The following PIP5K1A variants were observed in gnomAD, a reference collection of about 807,000 sequenced individuals.
The protein encoded by PIP5K1A is phosphatidylinositol-4-phosphate 5-kinase type 1 alpha.
In PIP5K1A, 46 loss-of-function variants were observed where a neutral mutation model predicts 72.9. The ratio of observed to expected loss-of-function variants is 0.63; its 90% CI spans 0.50 to 0.81. The LOEUF (loss-of-function observed/expected upper bound fraction) is 0.81, where lower values mean the gene tolerates loss of function less well. PIP5K1A is among the 30% of genes least tolerant of loss of function. PIP5K1A has a pLI of 0.00. For synonymous variants in PIP5K1A, 228 were observed against 255.1 expected (o/e 0.89, Z 1.01); for missense variants, 458 against 706.1 (o/e 0.65, Z 3.98).
At chr1:151,209,508 C>T (rs1686483287) in intron 1 of PIP5K1A, among the ~76,000 whole-genome samples, 1 of 148,394 alleles carries the variant, frequency 6.7e-6, no homozygotes, top group South Asian at 2.1e-4. Flanking sequence ...GGCATGATCT[C>T]TGCTCACCGC....
At chr1:151,241,742 G>C (rs1406225372) in intron 12 of PIP5K1A, among the ~76,000 whole-genome samples, 1 of 151,268 alleles carries the variant, frequency 6.6e-6, no homozygotes, top group Non-Finnish European at 1.5e-5. Flanking sequence ...GGAGGTTGCA[G>C]TGAGCCAAGA....
chr1:151,208,400 G>A (rs1217704940), intron 1 of PIP5K1A, among the ~76,000 whole-genome samples: 7 of 138,068 alleles, frequency 5.1e-5, no homozygotes, highest in South Asian at 2.2e-4. Context: ...TCACTCTGTC[G>A]CCTAGGCTGG....
intron 1 of PIP5K1A, among the ~76,000 whole-genome samples, chr1:151,205,031 T>G (rs1175853156): frequency 6.6e-6 from 1 of 152,236 alleles, no homozygotes. Context: ...AATATTTTAT[T>G]AGCCTGTTTT....
chr1:151,243,227 G>T (rs1043520808), intron 14 of PIP5K1A, among the ~76,000 whole-genome samples: 1 of 152,102 alleles, frequency 6.6e-6, no homozygotes. Flanking sequence ...CCTCCATGTC[G>T]AAAATACACT....
chr1:151,216,723 C>T (rs1687682135), intron 1 of PIP5K1A, among the ~76,000 whole-genome samples: 1 of 152,018 alleles, frequency 6.6e-6, no homozygotes. Context: ...AATTTATAGG[C>T]ATTTATTGTA....
At chr1:151,224,432 C>A (rs755028646) in intron 3 of PIP5K1A, 26 bp downstream of exon 3, 42 of 1,487,148 alleles carry the variant, frequency 2.8e-5, no homozygotes, top group Non-Finnish European at 3.6e-5. Flanking sequence ...TGCAACTCAT[C>A]TTTTATTGTA....
intron 12 of PIP5K1A, among the ~76,000 whole-genome samples, chr1:151,241,476 C>T (rs587638751): frequency 6.6e-6 from 1 of 151,848 alleles, no homozygotes; most frequent in South Asian, 2.1e-4. Context: ...TGCACTCCAG[C>T]CTGGGCGACA....
At chr1:151,212,783 C>T (rs1687011949) in intron 1 of PIP5K1A, among the ~76,000 whole-genome samples, 2 of 150,726 alleles carry the variant, frequency 1.3e-5, no homozygotes, top group Non-Finnish European at 2.9e-5. Flanking sequence ...CCATGTTGGC[C>T]AGGATGGTCT....
intron 6 of PIP5K1A, 82 bp downstream of exon 6, chr1:151,232,447 C>T (rs1258476045): frequency 4.7e-6 from 7 of 1,494,726 alleles, no homozygotes; most frequent in East Asian, 2.3e-5. Flanking sequence ...TCCACAGTCT[C>T]GCTCTGGTTT....
intron 6 of PIP5K1A, 42 bp from the exon 7 acceptor site, chr1:151,232,509 C>T (rs755366460): frequency 6.3e-6 from 10 of 1,583,220 alleles, no homozygotes; most frequent in Non-Finnish European, 8.6e-6. Context: ...GGGCAAGGCC[C>T]TGATGTGTCT....
intron 1 of PIP5K1A, among the ~76,000 whole-genome samples, chr1:151,212,024 AT>A (rs1371503927): frequency 6.6e-6 from 1 of 151,898 alleles, no homozygotes; most frequent in Non-Finnish European, 1.5e-5. Context: ...AGGTAGGAGA[AT>A]GGCGTGAATC....
intron 1 of PIP5K1A, among the ~76,000 whole-genome samples, chr1:151,214,787 G>T (rs184959266): frequency 6.6e-6 from 1 of 152,244 alleles, no homozygotes; most frequent in African/African-American, 2.4e-5. Context: ...TGTGATCTTG[G>T]CTCACTGCAA....
In PIP5K1A at chr1:151,242,256, A is replaced by C. The variant is rs746729023; in HGVS notation, c.1497A>C (p.Ala499=). The part of the protein sequence containing the change: ...GEHKAQVTTK[A]EVEPGVHLGR... ...ACAAGGCACAAGTGACAACAAAGGC[A>C]GAAGTGGAGCCAGGTCAGCGCTAGG... Residue 499 remains alanine, a synonymous_variant, in exon 13 of 16, where the codon GCA becomes GCC. Transcript: ENST00000368888. 3 of 1,614,100 alleles carry C rather than the reference A, an allele frequency of 1.9e-6. No individual in the cohort carries two copies. Among genetic ancestry groups the C allele is most frequent in the Admixed American group, 1.7e-5 (1 of 60,002 alleles).
intron 14 of PIP5K1A, among the ~76,000 whole-genome samples, chr1:151,244,518 T>C (rs1045895608): frequency 1.3e-5 from 2 of 151,904 alleles, no homozygotes; most frequent in Non-Finnish European, 2.9e-5. Context: ...TAGCCAGGCG[T>C]GGTGGTATGT....
chr1:151,236,452 G>A lies in PIP5K1A; in HGVS notation c.940-106G>A, dbSNP rs1690874497. Reference sequence around the variant, plus strand: ...GATCACACCACTGCACTCTAGCCTGGGTTACAGATTGATACCCTTTCTCAA... The same window carrying A: ...GATCACACCACTGCACTCTAGCCTGAGTTACAGATTGATACCCTTTCTCAA... On this transcript the variant is annotated intron_variant, in intron 8 of 15. Transcript: ENST00000368888. 1.5e-5 allele frequency: 11 copies of A among 718,386 alleles called. No homozygotes were observed. In the South Asian group the frequency reaches 2.0e-4, roughly 13 times the overall value. The allele number at this position is 718,386 out of a possible 1,614,324, so 44.5% of individuals were successfully genotyped here.
At chr1:151,208,770 T>TTGCCCAGGCTGGGGTGCACTGG (rs2102016235) in intron 1 of PIP5K1A, among the ~76,000 whole-genome samples, 1 of 145,126 alleles carries the variant, frequency 6.9e-6, no homozygotes, top group East Asian at 2.0e-4. Context: ...TCTTGCTCTG[T>TTGCCCAGGCTGGGGTGCACTGG]TGCCCAGGCT....
chr1:151,232,069 C>G (rs1425110564), intron 5 of PIP5K1A, among the ~76,000 whole-genome samples, 179 bp from the exon 6 acceptor site: 2 of 152,116 alleles, frequency 1.3e-5, no homozygotes, highest in African/African-American at 4.8e-5. Flanking sequence ...CTTCTTATGT[C>G]TTGCTGTCCA....
intron 1 of PIP5K1A, chr1:151,216,084 C>G (rs1462653576): frequency 1.4e-6 from 1 of 710,194 alleles, no homozygotes; most frequent in African/African-American, 1.8e-5. Flanking sequence ...ATAACAGTTG[C>G]AGACTTCTAA....
In PIP5K1A at chr1:151,247,907, CTG is replaced by C. The variant is rs1220002040; in HGVS notation, c.*45_*46del. ...GACCTGGAACAAGATTCTGCCATCT[CTG>C]TGATCCCAAGATGTCAGCCCTTGCC... On this transcript the variant is annotated 3_prime_UTR_variant, in exon 16 of 16. Transcript: ENST00000368888. 13 of 1,585,188 alleles carry C rather than the reference CTG, an allele frequency of 8.2e-6. No individual in the cohort carries two copies. The highest frequency in any genetic ancestry group is 1.1e-5 in the Non-Finnish European group (13 of 1,153,660).
Sources: gnomAD v4.1 joint callset for allele counts (sites outside exome capture counted in the v4.1 genomes callset) on GRCh38, gnomAD v4.1.1 for gene constraint, MANE v1.5 for transcripts, NCBI Gene and HGNC (gene_info 2026-07-23, HGNC 2026-07-21) for gene names.